FRMD3: variants seen among roughly 807,000 people sequenced by gnomAD.
FRMD3 encodes the protein FERM domain-containing protein 3.
Under a neutral mutation model 70.2 loss-of-function variants are expected in FRMD3, and 33 were observed. The ratio of observed to expected loss-of-function variants is 0.47; its 90% CI spans 0.36 to 0.63. The LOEUF (loss-of-function observed/expected upper bound fraction) is 0.63, where lower values mean the gene tolerates loss of function less well. Ranked by LOEUF, FRMD3 falls within the 20% of genes least tolerant of loss-of-function variation. The probability of loss-of-function intolerance (pLI) is 0.00; values close to 1 mark genes in which losing one functional copy is unlikely to be tolerated. For missense variants in FRMD3, 632 were observed against 711.4 expected, an observed-to-expected ratio of 0.89 and a Z score of 1.27; for synonymous variants, 279 against 255.9, an observed-to-expected ratio of 1.09 and a Z score of -0.86.
At chr9:83,300,257 G>GAA (rs1307579258) in intron 10 of FRMD3, among the ~76,000 whole-genome samples, 106 of 152,314 alleles carry the variant, frequency 7.0e-4, no homozygotes, top group Non-Finnish European at 1.5e-3. Context: ...GATCTAGCCT[G>GAA]GGGGCCAGAG....
rs142097854 is a variant in FRMD3 at position 83,523,197 on chromosome 9, C to T, written c.147+14888G>A. Among the ~76,000 whole-genome samples the T allele has an allele frequency of 8.0e-3, 947 of 118,992 alleles. 4 individuals are homozygous for T. Among genetic ancestry groups the T allele is most frequent in the African/African-American group, 0.023 (598 of 26,228 alleles). The allele number at this position is 118,992 out of a possible 152,430, so 78.1% of individuals were successfully genotyped here. ...ATGGATGGATGGATGGATGGATGGACGGACGGACGGATGGATAGATTTACG... is the reference window on the plus strand; with the variant it reads ...ATGGATGGATGGATGGATGGATGGATGGACGGACGGATGGATAGATTTACG... On this transcript the variant is annotated intron_variant, in intron 1 of 13. Coordinates refer to ENST00000304195, the MANE Select transcript of FRMD3 (RefSeq NM_174938.6).
At chr9:83,570,328 G>A in the FRMD3 span, among the ~76,000 whole-genome samples, 5 of 152,310 alleles carry the variant, frequency 3.3e-5, no homozygotes, top group East Asian at 7.7e-4. Flanking sequence ...AAAAGGGGGT[G>A]TTGGGAGTAA....
chr9:83,438,527 G>A (rs1430080964), intron 1 of FRMD3, among the ~76,000 whole-genome samples: 1 of 152,176 alleles, frequency 6.6e-6, no homozygotes, highest in Non-Finnish European at 1.5e-5. Flanking sequence ...AGCCTCCCGA[G>A]TAGCTGGGAT....
intron 1 of FRMD3, among the ~76,000 whole-genome samples, chr9:83,396,681 C>T (rs1002546449): frequency 2.6e-5 from 4 of 152,162 alleles, no homozygotes; most frequent in African/African-American, 7.2e-5. Context: ...TCCCTCTGGA[C>T]CATACACAGA....
At chr9:83,562,670 T>A in the FRMD3 span, among the ~76,000 whole-genome samples, 1 of 152,178 alleles carries the variant, frequency 6.6e-6, no homozygotes, top group Non-Finnish European at 1.5e-5. Flanking sequence ...AGCCAATCTC[T>A]CAGGGCAAGA....
At chr9:83,465,465 T>G (rs1828101185) in intron 1 of FRMD3, among the ~76,000 whole-genome samples, 1 of 152,196 alleles carries the variant, frequency 6.6e-6, no homozygotes, top group Admixed American at 6.5e-5. Context: ...CAGTCCCCCT[T>G]CTTTCCTTCC....
rs147273735 is a variant in FRMD3, at chr9:83,419,185, A to G, written c.148-29477T>C. Among the ~76,000 whole-genome samples, 9 of 152,290 alleles carry G rather than the reference A, an allele frequency of 5.9e-5. No individual in the cohort carries two copies. The East Asian group carries it at 1.7e-3, about 29-fold the overall frequency. ...GGGTTAAAAACTACATATTGGTACA[A>G]TGTACACTACTCTAGTTACAGGGCA... On this transcript the variant is annotated intron_variant, in intron 1 of 13. Coordinates refer to ENST00000304195, the MANE Select transcript of FRMD3 (RefSeq NM_174938.6).
intron 1 of FRMD3, among the ~76,000 whole-genome samples, chr9:83,469,759 GC>G (rs1490709473): frequency 6.6e-6 from 1 of 152,118 alleles, no homozygotes; most frequent in Non-Finnish European, 1.5e-5. Flanking sequence ...TTAGAAACCG[GC>G]TATTGTCAGG....
chr9:83,489,038 A>G (rs187900219), intron 1 of FRMD3, among the ~76,000 whole-genome samples: 10 of 144,572 alleles, frequency 6.9e-5, no homozygotes, highest in East Asian at 5.9e-4. Context: ...GCACCTACAC[A>G]TGTGTGTATG....
Position 83,335,619 on chromosome 9 carries a change from G to C in FRMD3, c.493C>G (p.Pro165Ala), listed in dbSNP as rs1435858119. 2.5e-6 allele frequency: 4 copies of C among 1,612,762 alleles called. No homozygotes were observed. The highest frequency in any genetic ancestry group is 3.4e-6 in the Non-Finnish European group (4 of 1,179,178). The change falls in exon 6 of 14, where the codon CCT (proline) becomes GCT (alanine). Residue 165 changes from proline (P) to alanine (A), a missense_variant. Pro to Ala is a conservative substitution (Grantham distance 27). This residue lies in a region of FRMD3 where 208 missense variants were observed against 247.7 expected (regional missense o/e 0.84). Transcript: ENST00000304195. Reference protein sequence around the residue: ...IVQAELGDYDPDEHPENYISE... With the variant: ...IVQAELGDYDADEHPENYISE... ...ATGTAATTCTCAGGATGCTCATCAG[G>C]ATCGTAATCACCAAGCTCAGCTGTA... is the stretch of plus-strand genomic sequence containing the variant.
chr9:83,577,393 A>G, the FRMD3 span, among the ~76,000 whole-genome samples: 2 of 152,192 alleles, frequency 1.3e-5, no homozygotes, highest in East Asian at 3.9e-4. Flanking sequence ...CAAAGTTCAC[A>G]TATAAACCTT....
chr9:83,278,154 A>G (rs1047686563), intron 13 of FRMD3, among the ~76,000 whole-genome samples: 3 of 152,236 alleles, frequency 2.0e-5, no homozygotes, highest in Non-Finnish European at 1.5e-5. Context: ...TACAAAGACC[A>G]GAGAGAAGAC....
chr9:83,249,128 T>C (rs1019562039), intron 13 of FRMD3, among the ~76,000 whole-genome samples: 13 of 152,256 alleles, frequency 8.5e-5, no homozygotes, highest in African/African-American at 2.9e-4. Context: ...TATTTAGTTA[T>C]GCAATAAATT....
intron 1 of FRMD3, among the ~76,000 whole-genome samples, chr9:83,516,568 C>T (rs1829459822): frequency 6.6e-6 from 1 of 152,130 alleles, no homozygotes; most frequent in African/African-American, 2.4e-5. Context: ...ATCAACGAGA[C>T]AGAAAATTAA....
upstream of FRMD3, among the ~76,000 whole-genome samples, chr9:83,542,098 C>A (rs1312867240): frequency 6.6e-6 from 1 of 152,120 alleles, no homozygotes; most frequent in Non-Finnish European, 1.5e-5. Flanking sequence ...GGTGGCTCCA[C>A]TTGAGGCATT....
chr9:83,541,650 G>A (rs1284608477), upstream of FRMD3, among the ~76,000 whole-genome samples: 1 of 152,222 alleles, frequency 6.6e-6, no homozygotes, highest in Non-Finnish European at 1.5e-5. Context: ...ACTTAAATGG[G>A]AAGGATGAGA....
At chr9:83,576,491 C>T in the FRMD3 span, among the ~76,000 whole-genome samples, 2 of 152,066 alleles carry the variant, frequency 1.3e-5, no homozygotes, top group African/African-American at 2.4e-5. Flanking sequence ...GTATGTTATA[C>T]AGGTAAACTT....
In FRMD3 at chr9:83,389,024, C is replaced by A. The variant is rs544410285; in HGVS notation, c.252+580G>T. On this transcript the variant is annotated intron_variant, in intron 2 of 13. Coordinates refer to ENST00000304195, the MANE Select transcript of FRMD3 (RefSeq NM_174938.6). ...GTAGTAGCCCCATCACAGATCACTG[C>A]AGCCTTGACCTCCCAGGCTCAAGCT... Among the ~76,000 whole-genome samples, 11 of 149,160 alleles carry A rather than the reference C, an allele frequency of 7.4e-5. No individual in the cohort carries two copies. The South Asian group carries it at 2.1e-3, about 29-fold the overall frequency.
chr9:83,545,077 T>C, the FRMD3 span, among the ~76,000 whole-genome samples: 1 of 151,910 alleles, frequency 6.6e-6, no homozygotes, highest in Admixed American at 6.5e-5. Context: ...AAAATATAGA[T>C]TGTAAGGAAG....
Sources: gnomAD v4.1 joint callset for allele counts (sites outside exome capture counted in the v4.1 genomes callset) on GRCh38, gnomAD v4.1.1 for gene constraint, gnomAD v4.1.1 regional missense constraint, MANE v1.5 for transcripts, NCBI Gene and HGNC (gene_info 2026-07-23, HGNC 2026-07-21) for gene names.